The following LPA variants were observed in gnomAD, a reference collection of about 807,000 sequenced individuals.
LPA encodes apolipoprotein(a).
LPA carries 199 observed loss-of-function variants against 197.9 expected under a neutral mutation model. That is an observed-to-expected ratio of 1.01 (90% CI 0.90 to 1.13). The LOEUF (loss-of-function observed/expected upper bound fraction) is 1.13, where lower values mean the gene tolerates loss of function less well. Among genes scored for constraint, LPA ranks in the 50% most tolerant of loss-of-function variants. LPA has a pLI of 0.00. For synonymous variants in LPA, 715 were observed against 639.5 expected (o/e 1.12, Z -1.78); for missense variants, 1,853 against 1,785.8 (o/e 1.04, Z -0.68).
intron 30 of LPA, among the ~76,000 whole-genome samples, chr6:160,553,475 T>C (rs1778198268): frequency 1.3e-5 from 2 of 152,204 alleles, no homozygotes; most frequent in Admixed American, 6.5e-5. Flanking sequence ...TTTGTTTGTT[T>C]TGGCTGGACA....
At chr6:160,545,147 CG>C (rs1778045050) in intron 33 of LPA, among the ~76,000 whole-genome samples, 1 of 151,758 alleles carries the variant, frequency 6.6e-6, no homozygotes, top group African/African-American at 2.4e-5. Flanking sequence ...AAGAAGGGTT[CG>C]GTGGGACTAT....
At chr6:160,594,569 G>A (rs1382340617) in intron 21 of LPA, among the ~76,000 whole-genome samples, 1 of 152,168 alleles carries the variant, frequency 6.6e-6, no homozygotes, top group East Asian at 1.9e-4. Flanking sequence ...TCTTGAAGAT[G>A]GGGCAGGAAG....
At position 160,590,961 on chromosome 6, in the gene LPA, G is replaced by A. The variant is rs41267819; in HGVS notation, c.3770C>T (p.Thr1257Met). Residue 1257 changes from threonine (T) to methionine (M), a missense_variant, in exon 23 of 39, where the codon ACG (threonine) becomes ATG (methionine). Transcript: ENST00000316300. ...CTTCTTACCTTGTTCAGAAACAGCC[G>A]TGGACGTCGCAAGGACACTTGATTC... ...VTESSVLATS[T>M]AVSEQAPTEQ... The A allele has an allele frequency of 4.2e-4, 685 of 1,613,956 alleles. No homozygotes were observed. The highest frequency in any genetic ancestry group is 8.3e-4 in the Middle Eastern group (5 of 6,060).
At chr6:160,595,243 A>G (rs1583606041) in intron 21 of LPA, 111 bp downstream of exon 21, 2 of 1,373,572 alleles carry the variant, frequency 1.5e-6, no homozygotes, top group East Asian at 2.3e-5. Flanking sequence ...CCCTGAGTCC[A>G]CATTCTACTT....
Position 160,564,945 on chromosome 6 carries a change from C to A in LPA, c.4632-7374G>T, listed in dbSNP as rs188736966. 1.6e-4 allele frequency among the ~76,000 whole-genome samples: 25 copies of A among 152,280 alleles called. No individual in the cohort carries two copies. In the East Asian group the frequency reaches 4.6e-3, roughly 28 times the overall value. On this transcript the variant is annotated intron_variant, in intron 28 of 38. Transcript: ENST00000316300. ...AACTGCTAGCACAGTAGTCTGAGAC[C>A]GAACTGCAAGGCGGCAGCAAAGCTG...
intron 28 of LPA, among the ~76,000 whole-genome samples, chr6:160,561,053 G>C (rs1302133610): frequency 6.6e-6 from 1 of 152,042 alleles, no homozygotes; most frequent in Non-Finnish European, 1.5e-5. Context: ...GGGACTACAG[G>C]TGCCCACGAC....
At chr6:160,566,976 G>A (rs1236920773) in intron 28 of LPA, among the ~76,000 whole-genome samples, 1 of 152,160 alleles carries the variant, frequency 6.6e-6, no homozygotes, top group Non-Finnish European at 1.5e-5. Context: ...CAATACAGGA[G>A]CACCTAGATT....
At chr6:160,573,076 A>G (rs1778591465) in intron 28 of LPA, among the ~76,000 whole-genome samples, 1 of 152,062 alleles carries the variant, frequency 6.6e-6, no homozygotes, top group Non-Finnish European at 1.5e-5. Context: ...GATTATTCTT[A>G]TATTTGGTCA....
rs41271038 is a variant in LPA at position 160,594,140 on chromosome 6, C to T, written c.3470-23G>A. 26 of 1,613,390 alleles carry T rather than the reference C, an allele frequency of 1.6e-5. No homozygotes were observed. In the South Asian group the frequency reaches 2.9e-4, roughly 18 times the overall value. ...GTGCTGAAATTCAAAGAGGAGAAAT[C>T]AAGCTGAGTAATTTCTAGAACACAG... On this transcript the variant is annotated intron_variant, in intron 21 of 38. Coordinates refer to ENST00000316300, the MANE Select transcript of LPA (RefSeq NM_005577.4).
intron 33 of LPA, among the ~76,000 whole-genome samples, chr6:160,544,008 G>A (rs1778024217): frequency 6.6e-6 from 1 of 152,164 alleles, no homozygotes; most frequent in Non-Finnish European, 1.5e-5. Flanking sequence ...ACAGTCCATT[G>A]GAAGAAATCT....
intron 33 of LPA, among the ~76,000 whole-genome samples, chr6:160,543,226 T>C (rs1355768363): frequency 6.6e-6 from 1 of 152,196 alleles, no homozygotes; most frequent in East Asian, 1.9e-4. Context: ...GGGGGTAATT[T>C]ACACACATGT....
intron 16 of LPA, among the ~76,000 whole-genome samples, chr6:160,610,174 C>A (rs144274063): frequency 1.3e-5 from 2 of 152,020 alleles, no homozygotes; most frequent in Non-Finnish European, 1.5e-5. Context: ...CTTTTCTACA[C>A]GTAGTCAAAT....
At chr6:160,652,367 C>T (rs1264666810) in intron 1 of LPA, among the ~76,000 whole-genome samples, 1 of 152,000 alleles carries the variant, frequency 6.6e-6, no homozygotes, top group African/African-American at 2.4e-5. Flanking sequence ...AGAAACTATT[C>T]AAAACGGAAT....
At chr6:160,658,704 G>A (rs975746907) in intron 1 of LPA, among the ~76,000 whole-genome samples, 1 of 152,136 alleles carries the variant, frequency 6.6e-6, no homozygotes, top group African/African-American at 2.4e-5. Context: ...CATACTATTA[G>A]AAGTAGAGTC....
chr6:160,610,305 A>G (rs1779465342), intron 16 of LPA, among the ~76,000 whole-genome samples: 1 of 152,118 alleles, frequency 6.6e-6, no homozygotes, highest in South Asian at 2.1e-4. Flanking sequence ...AACCCATTTG[A>G]TGCTTGGACA....
chr6:160,600,976 G>A lies in LPA; in HGVS notation c.3068C>T (p.Thr1023Ile), dbSNP rs764529954. Residue 1023 changes from threonine (T) to isoleucine (I), a missense_variant, in exon 19 of 39, where the codon ACT becomes ATT. Coordinates refer to ENST00000316300, the MANE Select transcript of LPA (RefSeq NM_005577.4). ...NLTRCSDAEW[T>I]AFVPPNVILA... is the part of the protein sequence containing the mutation. ...AATAACATTCGGAGGGACGAAGGCA[G>A]TCCATTCTGCATCTGAGCATCGTGT... is the stretch of plus-strand genomic sequence containing the variant. 1.9e-6 allele frequency: 3 copies of A among 1,613,986 alleles called. No individual in the cohort carries two copies. The highest frequency in any genetic ancestry group is 2.2e-5 in the South Asian group (2 of 91,078).
At chr6:160,542,480 C>G (rs1777996070) in intron 34 of LPA, among the ~76,000 whole-genome samples, 1 of 152,160 alleles carries the variant, frequency 6.6e-6, no homozygotes, top group Non-Finnish European at 1.5e-5. Context: ...CTGCCCAGAT[C>G]AAGAAAAAGA....
rs765386320 is a variant in LPA at position 160,537,919 on chromosome 6, T to C, written c.5778A>G (p.Pro1926=). The change falls in exon 37 of 39, where the codon CCA becomes CCG. Residue 1926 remains proline (P), a synonymous_variant. Transcript: ENST00000316300. The part of the protein sequence containing the change: ...ITDKVMPACL[P]SPDYMVTART... Reference sequence around the variant, plus strand: ...TGGCGGTGACCATGTAGTCTGGGGATGGCAGACAAGCTGGCATTACTTTGT... The same window carrying C: ...TGGCGGTGACCATGTAGTCTGGGGACGGCAGACAAGCTGGCATTACTTTGT... 5.0e-6 allele frequency: 8 copies of C among 1,614,242 alleles called. No individual in the cohort carries two copies. The South Asian group carries it at 8.8e-5, about 18-fold the overall frequency.
chr6:160,660,397 A>G (rs1454111551), intron 1 of LPA, among the ~76,000 whole-genome samples: 2 of 152,104 alleles, frequency 1.3e-5, no homozygotes, highest in Non-Finnish European at 2.9e-5. Context: ...CCAGACCTCC[A>G]TTCTCTCAGG....
Sources: allele counts gnomAD v4.1 joint callset (sites outside exome capture counted in the v4.1 genomes callset), GRCh38; gene constraint gnomAD v4.1.1; transcripts MANE v1.5; gene names NCBI Gene and HGNC (gene_info 2026-07-23, HGNC 2026-07-21).